The following UST variants were observed in gnomAD, a reference collection of about 807,000 sequenced individuals.
The protein encoded by UST is chondroitin sulfate 2-O-sulfotransferase.
In UST, 21 loss-of-function variants were observed where a neutral mutation model predicts 45.6. That is an observed-to-expected ratio of 0.46 (90% confidence interval 0.33 to 0.66). The LOEUF (loss-of-function observed/expected upper bound fraction) is 0.66, where lower values mean the gene tolerates loss of function less well. Among genes scored for constraint, UST ranks in the 30% least tolerant of loss-of-function variants. UST has a pLI of 0.02. For synonymous variants in UST, 215 were observed against 200.6 expected (o/e 1.07, Z -0.61); for missense variants, 463 against 512.4 (o/e 0.90, Z 0.93).
chr6:149,055,824 C>CCCT (rs892121839), intron 7 of UST, among the ~76,000 whole-genome samples: 6 of 152,146 alleles, frequency 3.9e-5, no homozygotes, highest in South Asian at 2.1e-4. Context: ...GACAATCAGT[C>CCCT]CCTTCTCTTC....
intron 1 of UST, among the ~76,000 whole-genome samples, chr6:148,755,740 T>C (rs113390102): frequency 0.011 from 1,722 of 152,264 alleles, 30 homozygotes; most frequent in African/African-American, 0.04. Context: ...TATTAAATTT[T>C]GTTAAATATT....
chr6:148,990,248 T>C (rs941127282), intron 5 of UST: 3 of 222,062 alleles, frequency 1.4e-5, no homozygotes, highest in African/African-American at 7.0e-5. Flanking sequence ...GGTAGCTTTT[T>C]ATCGTCCTCT....
At chr6:148,912,681 G>A (rs1779499080) in intron 2 of UST, among the ~76,000 whole-genome samples, 1 of 152,218 alleles carries the variant, frequency 6.6e-6, no homozygotes, top group African/African-American at 2.4e-5. Flanking sequence ...GAGTTGTCAG[G>A]TGTGGTAGAT....
intron 4 of UST, among the ~76,000 whole-genome samples, chr6:148,957,683 C>T (rs933970160): frequency 6.6e-6 from 1 of 152,226 alleles, no homozygotes; most frequent in African/African-American, 2.4e-5. Context: ...GATTTGCCCA[C>T]CTCAGCCTCC....
At chr6:148,968,308 C>T (rs1414112857) in intron 5 of UST, among the ~76,000 whole-genome samples, 1 of 152,242 alleles carries the variant, frequency 6.6e-6, no homozygotes, top group Non-Finnish European at 1.5e-5. Context: ...CTCAAACTTT[C>T]TATTTCTTTC....
chr6:148,947,337 C>T (rs1780265721), intron 3 of UST, among the ~76,000 whole-genome samples: 1 of 152,152 alleles, frequency 6.6e-6, no homozygotes, highest in Non-Finnish European at 1.5e-5. Context: ...TGTTCTTAAT[C>T]ACGATAGGCA....
intron 1 of UST, among the ~76,000 whole-genome samples, chr6:148,800,667 G>A (rs1777040228): frequency 1.3e-5 from 2 of 152,052 alleles, no homozygotes; most frequent in Admixed American, 6.6e-5. Context: ...AAAAAAAGGG[G>A]TAGGGTTTTT....
At chr6:148,891,661 A>G (rs1779020667) in intron 2 of UST, among the ~76,000 whole-genome samples, 1 of 152,238 alleles carries the variant, frequency 6.6e-6, no homozygotes, top group African/African-American at 2.4e-5. Context: ...CAAAATTACT[A>G]ATTTAAGTAG....
At chr6:148,773,258 C>T (rs923568870) in intron 1 of UST, among the ~76,000 whole-genome samples, 3 of 152,026 alleles carry the variant, frequency 2.0e-5, no homozygotes, top group Admixed American at 1.3e-4. Flanking sequence ...GTCAGGAGTT[C>T]GAGACCAGCC....
intron 5 of UST, among the ~76,000 whole-genome samples, chr6:149,017,793 C>CATATATATATAT (rs772511492): frequency 1.7e-4 from 9 of 54,356 alleles, no homozygotes; most frequent in African/African-American, 6.6e-4. Flanking sequence ...AATGAATATC[C>CATATATATATAT]ATATATACAC....
At chr6:148,838,999 T>C (rs1158269655) in intron 1 of UST, among the ~76,000 whole-genome samples, 1 of 152,222 alleles carries the variant, frequency 6.6e-6, no homozygotes, top group Non-Finnish European at 1.5e-5. Context: ...CGGCTAATAT[T>C]CGGATTCAAC....
chr6:148,753,283 C>T (rs1776024507), intron 1 of UST, among the ~76,000 whole-genome samples: 1 of 152,196 alleles, frequency 6.6e-6, no homozygotes, highest in Non-Finnish European at 1.5e-5. Context: ...CTTTATCCAA[C>T]ACTTTTGCCC....
chr6:148,967,679 C>T (rs1054322608), intron 5 of UST, among the ~76,000 whole-genome samples: 1 of 152,218 alleles, frequency 6.6e-6, no homozygotes, highest in Non-Finnish European at 1.5e-5. Flanking sequence ...CACCCCTCCC[C>T]TCGGAGGCCC....
intron 5 of UST, among the ~76,000 whole-genome samples, chr6:148,970,472 A>C (rs1780892662): frequency 6.6e-6 from 1 of 152,174 alleles, no homozygotes; most frequent in African/African-American, 2.4e-5. Context: ...CAAACCACAA[A>C]TAAGGGGAAC....
Position 148,963,312 on chromosome 6 carries a change from A to G in UST, c.528-1098A>G, listed in dbSNP as rs72988653. Among the ~76,000 whole-genome samples, 762 of 152,326 alleles carry G rather than the reference A, an allele frequency of 5.0e-3. 5 individuals carry two copies. Among genetic ancestry groups the G allele is most frequent in the Non-Finnish European group, 7.4e-3 (500 of 68,024 alleles). ...ACATTCCTCAGAAGGTCACGAGGCC[A>G]TAGGGCTAGAGAACCCTGCAGGCCC... is the stretch of plus-strand genomic sequence containing the variant. On this transcript the variant is annotated intron_variant, in intron 4 of 7. Coordinates refer to ENST00000367463, the MANE Select transcript of UST (RefSeq NM_005715.3).
intron 1 of UST, among the ~76,000 whole-genome samples, chr6:148,881,727 C>CT (rs562091873): frequency 6.7e-4 from 102 of 152,286 alleles, no homozygotes; most frequent in African/African-American, 2.0e-3. Context: ...CCATCGACTC[C>CT]TTGACAAGGC....
chr6:148,974,126 AG>A (rs1477033488), intron 5 of UST, among the ~76,000 whole-genome samples: 3 of 152,162 alleles, frequency 2.0e-5, no homozygotes, highest in Non-Finnish European at 4.4e-5. Flanking sequence ...CACCATATTG[AG>A]GGCTTCTTCC....
intron 1 of UST, among the ~76,000 whole-genome samples, chr6:148,856,420 C>T (rs1211494534): frequency 6.6e-6 from 1 of 152,186 alleles, no homozygotes; most frequent in African/African-American, 2.4e-5. Context: ...ATCAGCATAA[C>T]GTAGTGCAAT....
chr6:148,750,253 G>A (rs1023995780), intron 1 of UST, among the ~76,000 whole-genome samples: 2 of 152,116 alleles, frequency 1.3e-5, no homozygotes, highest in Non-Finnish European at 2.9e-5. Context: ...ACACACAATG[G>A]CCACTCAATA....
Sources: allele counts gnomAD v4.1 joint callset (sites outside exome capture counted in the v4.1 genomes callset), GRCh38; gene constraint gnomAD v4.1.1; transcripts MANE v1.5; gene names NCBI Gene and HGNC (gene_info 2026-07-23, HGNC 2026-07-21).